ADGRE5: variants seen among roughly 807,000 people sequenced by gnomAD.
The protein encoded by ADGRE5 is CD97 molecule.
ADGRE5 carries 72 observed loss-of-function variants against 100.3 expected under a neutral mutation model. The ratio of observed to expected loss-of-function variants is 0.72; its 90% CI spans 0.59 to 0.87. ADGRE5 has a LOEUF of 0.87. Ranked by LOEUF, ADGRE5 falls within the 40% of genes least tolerant of loss-of-function variation. The pLI is 0.00. For missense variants in ADGRE5, 959 were observed against 1,094.7 expected, an observed-to-expected ratio of 0.88 and a Z score of 1.75; for synonymous variants, 439 against 447.8, an observed-to-expected ratio of 0.98 and a Z score of 0.25.
At chr19:14,398,252 C>A in intron 9 of ADGRE5, 113 bp downstream of exon 9, 1 of 893,014 alleles carries the variant, frequency 1.1e-6, no homozygotes, top group Non-Finnish European at 1.8e-6. Context: ...CAGAGACACA[C>A]ATGCGCATAA....
At chr19:14,385,114 G>A (rs1362502659) in intron 1 of ADGRE5, among the ~76,000 whole-genome samples, 1 of 145,578 alleles carries the variant, frequency 6.9e-6, no homozygotes, top group Non-Finnish European at 1.5e-5. Flanking sequence ...GTGTTCAAGC[G>A]ATTCTCCTGC....
Position 14,408,109 on chromosome 19 carries a change from G to C in ADGRE5, c.2496G>C (p.Glu832Asp), listed in dbSNP as rs546050716. 11 of 1,613,600 alleles carry C rather than the reference G, an allele frequency of 6.8e-6. No individual in the cohort carries two copies. The highest frequency in any genetic ancestry group is 3.3e-5 in the Admixed American group (2 of 60,020). The change falls in exon 20 of 20, where the codon GAG (glutamate) becomes GAC (aspartate). Residue 832 changes from glutamate (E) to aspartate (D), a missense_variant. This residue lies in a region of ADGRE5 where 428 missense variants were observed against 386.2 expected (regional missense o/e 1.11). Transcript: ENST00000242786. ...CTCTCCAGGCCCTCAGGGCATCAGAGTCCGGCATATGAAGGCGCATGGTTC... is the reference window on the plus strand; with the variant it reads ...CTCTCCAGGCCCTCAGGGCATCAGACTCCGGCATATGAAGGCGCATGGTTC... ...HNQTRALRAS[E>D]SGI
intron 4 of ADGRE5, among the ~76,000 whole-genome samples, chr19:14,392,486 A>AT (rs1975634986): frequency 6.6e-6 from 1 of 152,152 alleles, no homozygotes; most frequent in Non-Finnish European, 1.5e-5. Context: ...TCTTTTAAAG[A>AT]TAAAAACAAA....
chr19:14,402,927 C>T, intron 12 of ADGRE5, 65 bp downstream of exon 12: 1 of 1,507,830 alleles, frequency 6.6e-7, no homozygotes, highest in South Asian at 1.1e-5. Flanking sequence ...CTGGGCCTCT[C>T]TCTGGGATGC....
chr19:14,391,615 T>C (rs1975604107), intron 4 of ADGRE5: 1 of 153,112 alleles, frequency 6.5e-6, no homozygotes, highest in African/African-American at 2.4e-5. Context: ...CCTGCGCCTG[T>C]AGTCCCAGCT....
At chr19:14,394,348 G>A (rs578107933) in intron 4 of ADGRE5, among the ~76,000 whole-genome samples, 4 of 152,114 alleles carry the variant, frequency 2.6e-5, no homozygotes, top group African/African-American at 4.8e-5. Context: ...CTGAGGACAC[G>A]TGCACCCAGT....
intron 9 of ADGRE5, chr19:14,398,346 TATA>T: frequency 1.7e-6 from 1 of 578,156 alleles, no homozygotes. Context: ...ACACACCAGG[TATA>T]ATGGCAACAG....
chr19:14,388,878 G>T, intron 3 of ADGRE5, 60 bp downstream of exon 3: 1 of 1,480,176 alleles, frequency 6.8e-7, no homozygotes, highest in Non-Finnish European at 9.4e-7. Flanking sequence ...TGCCCAGCCA[G>T]TGGGGGACAG....
rs192896500 is a variant in ADGRE5 at position 14,403,686 on chromosome 19, G to A, written c.1450-697G>A. Among the ~76,000 whole-genome samples, 17 of 151,892 alleles carry A rather than the reference G, an allele frequency of 1.1e-4. No individual in the cohort carries two copies. In the East Asian group the frequency reaches 3.3e-3, roughly 29 times the overall value. On this transcript the variant is annotated intron_variant, in intron 12 of 19. Transcript: ENST00000242786. ...AACAAAAAAATTAATGGAGATGGAGGTCTCGCTATGTTGCCACAGCTGGTC... is the reference window on the plus strand; with the variant it reads ...AACAAAAAAATTAATGGAGATGGAGATCTCGCTATGTTGCCACAGCTGGTC...
chr19:14,391,911 C>A (rs969773554), intron 4 of ADGRE5, among the ~76,000 whole-genome samples: 4 of 150,302 alleles, frequency 2.7e-5, no homozygotes, highest in Non-Finnish European at 4.4e-5. Flanking sequence ...GCCTGACCAA[C>A]ATGATGAAAC....
intron 12 of ADGRE5, among the ~76,000 whole-genome samples, chr19:14,403,272 C>T (rs1392315132): frequency 6.6e-6 from 1 of 152,052 alleles, no homozygotes; most frequent in Non-Finnish European, 1.5e-5. Context: ...AAACTCCCGA[C>T]CTCAGGTGAT....
chr19:14,389,623 C>T (rs1400184260), intron 3 of ADGRE5, among the ~76,000 whole-genome samples: 1 of 151,468 alleles, frequency 6.6e-6, no homozygotes, highest in Non-Finnish European at 1.5e-5. Context: ...GTAATCCCAG[C>T]TACTCGGGAG....
In ADGRE5 at chr19:14,381,512, G is replaced by T. The variant is rs750596785; in HGVS notation, c.-12G>T. 6.2e-7 allele frequency: 1 copy of T among 1,610,120 alleles called. No homozygotes were observed. Among genetic ancestry groups the T allele is most frequent in the Non-Finnish European group, 8.5e-7 (1 of 1,178,304 alleles). ...ACTCTTTCCCCTGCCGCTCCTGCCGGCAGCTCCAACCATGGGAGGCCGCGT... is the reference window on the plus strand; with the variant it reads ...ACTCTTTCCCCTGCCGCTCCTGCCGTCAGCTCCAACCATGGGAGGCCGCGT... On this transcript the variant is annotated 5_prime_UTR_variant, in exon 1 of 20. Transcript: ENST00000242786.
chr19:14,382,688 CGTT>C (rs1975200141), intron 1 of ADGRE5, among the ~76,000 whole-genome samples: 1 of 150,896 alleles, frequency 6.6e-6, no homozygotes, highest in Non-Finnish European at 1.5e-5. Flanking sequence ...CACATCGAGA[CGTT>C]GTCTCTACCA....
chr19:14,404,260 C>A, intron 12 of ADGRE5, 123 bp from the exon 13 acceptor site: 1 of 848,220 alleles, frequency 1.2e-6, no homozygotes. Context: ...AAACCTGTTA[C>A]ATTCAGTAGG....
intron 19 of ADGRE5, 39 bp downstream of exon 19, chr19:14,408,048 C>A: frequency 6.2e-7 from 1 of 1,614,044 alleles, no homozygotes; most frequent in Non-Finnish European, 8.5e-7. Flanking sequence ...GGCAGGAAGG[C>A]ACCAGGGCTA....
intron 4 of ADGRE5, among the ~76,000 whole-genome samples, chr19:14,395,658 C>A (rs894997108): frequency 1.3e-5 from 2 of 152,238 alleles, no homozygotes; most frequent in African/African-American, 4.8e-5. Flanking sequence ...ATCCATAGAT[C>A]CTTTCCTGGG....
chr19:14,387,135 G>A (rs1975386281), intron 1 of ADGRE5, among the ~76,000 whole-genome samples: 1 of 152,158 alleles, frequency 6.6e-6, no homozygotes, highest in African/African-American at 2.4e-5. Flanking sequence ...CTGGGGAGTG[G>A]GCGCCATCAT....
rs763315591 is a variant in ADGRE5, at chr19:14,407,058, C to G, written c.2208-3C>G. 1.2e-6 allele frequency: 2 copies of G among 1,613,912 alleles called. No homozygotes were observed. Among genetic ancestry groups the G allele is most frequent in the Non-Finnish European group, 8.5e-7 (1 of 1,180,004 alleles). Reference sequence around the variant, plus strand: ...GCCCACGCTGCAACCCCGCTCCTCGCAGGGCGCTGACCATCACGGCCATCG... The same window carrying G: ...GCCCACGCTGCAACCCCGCTCCTCGGAGGGCGCTGACCATCACGGCCATCG... On this transcript the variant is annotated splice_polypyrimidine_tract_variant and splice_region_variant and intron_variant, in intron 17 of 19. Coordinates refer to ENST00000242786, the MANE Select transcript of ADGRE5 (RefSeq NM_078481.4).
Sources: gnomAD v4.1 joint callset for allele counts (sites outside exome capture counted in the v4.1 genomes callset) on GRCh38, gnomAD v4.1.1 for gene constraint, gnomAD v4.1.1 regional missense constraint, MANE v1.5 for transcripts, NCBI Gene and HGNC (gene_info 2026-07-23, HGNC 2026-07-21) for gene names.